Variants in FYTTD1 observed in about 807,000 individuals in gnomAD.
FYTTD1 encodes forty-two-three domain containing 1.
In FYTTD1, 22 loss-of-function variants were observed where a neutral mutation model predicts 40.9. That is an observed-to-expected ratio of 0.54 (90% CI 0.38 to 0.77). The LOEUF (loss-of-function observed/expected upper bound fraction) is 0.77, where lower values mean the gene tolerates loss of function less well. Ranked by LOEUF, FYTTD1 falls within the 30% of genes least tolerant of loss-of-function variation. FYTTD1 has a pLI of 0.00. For missense variants in FYTTD1, 351 were observed against 392.2 expected (o/e 0.90, Z 0.89); for synonymous variants, 140 against 137.9 (o/e 1.01, Z -0.10).
At chr3:197,778,596 C>G in intron 8 of FYTTD1, 132 bp downstream of exon 8, 1 of 591,346 alleles carries the variant, frequency 1.7e-6, no homozygotes, top group Non-Finnish European at 3.0e-6. Flanking sequence ...CACTAATCTG[C>G]TTTTGTCTGC....
rs540895402 is a variant in FYTTD1, at chr3:197,767,563, C to A, written c.236-876C>A. ...TGTTGCAGCCTAGAACTCCTGGGCT[C>A]AAGCAATCCTCTCACCCCAGCCTCC... is the stretch of plus-strand genomic sequence containing the variant. On this transcript the variant is annotated intron_variant, in intron 2 of 8. Transcript: ENST00000241502. 3.3e-5 allele frequency among the ~76,000 whole-genome samples: 5 copies of A among 151,932 alleles called. No individual in the cohort carries two copies. The East Asian group carries it at 9.7e-4, about 29-fold the overall frequency.
At chr3:197,766,003 T>G (rs535301521) in intron 2 of FYTTD1, among the ~76,000 whole-genome samples, 1 of 135,516 alleles carries the variant, frequency 7.4e-6, no homozygotes. Context: ...CTCAAAAAAA[T>G]ATGTATATGT....
chr3:197,785,669 A>C lies in FYTTD1; in HGVS notation c.*3760A>C, dbSNP rs978444706. Reference sequence around the variant, plus strand: ...CTGTAAATAGCTTTGTAATTCACACAAAGTATACGGGCCCAGAATAATTTT... The same window carrying C: ...CTGTAAATAGCTTTGTAATTCACACCAAGTATACGGGCCCAGAATAATTTT... On this transcript the variant is annotated 3_prime_UTR_variant, in exon 9 of 9. Transcript: ENST00000241502. 4 of 152,210 alleles carry C rather than the reference A, an allele frequency of 2.6e-5. No homozygotes were observed. Among genetic ancestry groups the C allele is most frequent in the African/African-American group, 9.6e-5 (4 of 41,458 alleles). 9.4% of individuals were successfully genotyped at this position (152,210 alleles called of 1,614,324 possible). A position where few individuals can be genotyped will look rare whatever the true frequency, so the allele number is the denominator to read the frequency against.
At chr3:197,778,713 C>T (rs1023914341) in intron 8 of FYTTD1, among the ~76,000 whole-genome samples, 12 of 152,080 alleles carry the variant, frequency 7.9e-5, no homozygotes, top group African/African-American at 2.4e-4. Flanking sequence ...ATATTGTATG[C>T]GTGTTTAATT....
At position 197,782,365 on chromosome 3, in the gene FYTTD1, T is replaced by G. The variant is rs2109057842; in HGVS notation, c.*456T>G. 1 of 152,372 alleles carries G rather than the reference T, an allele frequency of 6.6e-6. No homozygotes were observed. Among genetic ancestry groups the G allele is most frequent in the South Asian group, 2.1e-4 (1 of 4,830 alleles). The allele number at this position is 152,372 out of a possible 1,614,324, so 9.4% of individuals were successfully genotyped here. On this transcript the variant is annotated 3_prime_UTR_variant, in exon 9 of 9. Transcript: ENST00000241502. ...TTGATGTAGTCAGTGCCGTTGCCTT[T>G]TCTTCATTAGAGACACAGAACAATG...
chr3:197,763,799 G>C (rs1052036191), intron 2 of FYTTD1, among the ~76,000 whole-genome samples: 3 of 152,126 alleles, frequency 2.0e-5, no homozygotes, highest in African/African-American at 4.8e-5. Flanking sequence ...AGATGATAAG[G>C]CTCCTGAAAT....
intron 6 of FYTTD1, among the ~76,000 whole-genome samples, chr3:197,774,466 C>A (rs1406488614): frequency 1.3e-5 from 2 of 152,202 alleles, no homozygotes; most frequent in Admixed American, 6.5e-5. Context: ...TGCACACCAG[C>A]CTGAGCAGCA....
At chr3:197,754,818 C>G (rs1340105831) in intron 1 of FYTTD1, among the ~76,000 whole-genome samples, 1 of 152,024 alleles carries the variant, frequency 6.6e-6, no homozygotes, top group Non-Finnish European at 1.5e-5. Context: ...GCACGCACCA[C>G]CATGCCTGGC....
intron 4 of FYTTD1, among the ~76,000 whole-genome samples, chr3:197,770,860 C>G (rs1410826780): frequency 1.3e-5 from 2 of 152,098 alleles, no homozygotes; most frequent in Non-Finnish European, 2.9e-5. Context: ...TGGTAGAACT[C>G]TTAACATCTT....
chr3:197,757,340 C>A (rs963311628), intron 2 of FYTTD1, among the ~76,000 whole-genome samples: 2 of 152,136 alleles, frequency 1.3e-5, no homozygotes, highest in Non-Finnish European at 1.5e-5. Context: ...AATAAAAGAA[C>A]TAAATCTTTT....
In FYTTD1 at chr3:197,784,076, G is replaced by A. The variant is rs771927840; in HGVS notation, c.*2167G>A. 1 of 152,422 alleles carries A rather than the reference G, an allele frequency of 6.6e-6. No individual in the cohort carries two copies. Among genetic ancestry groups the A allele is most frequent in the Non-Finnish European group, 1.5e-5 (1 of 68,004 alleles). 9.4% of individuals were successfully genotyped at this position (152,422 alleles called of 1,614,324 possible). A position where few individuals can be genotyped will look rare whatever the true frequency, so the allele number is the denominator to read the frequency against. ...GGAATGTGGTTGTAATCCTTGTTCA[G>A]TTCTTAAGTTTCGGTTTTTTTTAAA... On this transcript the variant is annotated 3_prime_UTR_variant, in exon 9 of 9. Coordinates refer to ENST00000241502, the MANE Select transcript of FYTTD1 (RefSeq NM_032288.7).
At chr3:197,764,005 AT>A (rs1158624866) in intron 2 of FYTTD1, among the ~76,000 whole-genome samples, 4 of 151,858 alleles carry the variant, frequency 2.6e-5, no homozygotes, top group Admixed American at 2.6e-4. Flanking sequence ...GGCTTGGAGG[AT>A]TTTTTTTAAG....
chr3:197,755,633 T>C, intron 1 of FYTTD1: 1 of 224,700 alleles, frequency 4.5e-6, no homozygotes, highest in Non-Finnish European at 8.4e-6. Context: ...TATTTATTTA[T>C]TTATTTATTT....
At chr3:197,749,755 C>A, upstream of FYTTD1, 1 of 579,892 alleles carries the variant, frequency 1.7e-6, no homozygotes, top group Non-Finnish European at 3.2e-6. Flanking sequence ...TCGTCCGATC[C>A]TGCGAGGGCC....
intron 8 of FYTTD1, among the ~76,000 whole-genome samples, chr3:197,780,988 G>A (rs913956513): frequency 2.0e-5 from 3 of 151,876 alleles, no homozygotes; most frequent in East Asian, 3.9e-4. Flanking sequence ...TTGAAATAAT[G>A]TGAAATTGAA....
In FYTTD1 at chr3:197,749,906, G is replaced by A; in HGVS notation, c.-66G>A. On this transcript the variant is annotated 5_prime_UTR_variant, in exon 1 of 9. The change creates a new upstream start codon in the 5' untranslated region. Coordinates refer to ENST00000241502, the MANE Select transcript of FYTTD1 (RefSeq NM_032288.7). ...TCGGTGCGGCGGGCTGCGTGCGCGA[G>A]TGGGAGGTGGCAGGCCTGCGACTCC... The A allele has an allele frequency of 9.7e-7, 1 of 1,030,432 alleles. No individual in the cohort carries two copies. Among genetic ancestry groups the A allele is most frequent in the Non-Finnish European group, 1.4e-6 (1 of 733,346 alleles). 63.8% of individuals were successfully genotyped at this position (1,030,432 alleles called of 1,614,324 possible).
chr3:197,766,479 CT>C (rs1729554138), intron 2 of FYTTD1, among the ~76,000 whole-genome samples: 2 of 66,360 alleles, frequency 3.0e-5, no homozygotes, highest in South Asian at 1.5e-3. Flanking sequence ...GGGTCTTGCT[CT>C]GTCACCCCAG....
chr3:197,771,358 G>A lies in FYTTD1; in HGVS notation c.497+1114G>A, dbSNP rs185124082. On this transcript the variant is annotated intron_variant, in intron 4 of 8. Transcript: ENST00000241502. ...GTCAGCAAAAAAAACCTGGAATGAG[G>A]TTTTTAAAAAATGCAGTGGCTGGGC... Among the ~76,000 whole-genome samples the A allele has an allele frequency of 4.2e-3, 634 of 152,248 alleles. 11 individuals carry two copies. The highest frequency in any genetic ancestry group is 7.6e-3 in the Non-Finnish European group (518 of 68,018).
intron 2 of FYTTD1, among the ~76,000 whole-genome samples, chr3:197,760,894 AGTTGTTCCTC>A (rs1399817633): frequency 4.7e-5 from 7 of 147,864 alleles, no homozygotes; most frequent in African/African-American, 1.0e-4. Flanking sequence ...GAATGTATAG[AGTTGTTCCTC>A]AGTGGTAGAA....
Sources: gnomAD v4.1 joint callset for allele counts (sites outside exome capture counted in the v4.1 genomes callset) on GRCh38, gnomAD v4.1.1 for gene constraint, MANE v1.5 for transcripts, NCBI Gene and HGNC (gene_info 2026-07-23, HGNC 2026-07-21) for gene names.